The following STK3 variants were observed in gnomAD, a reference collection of about 807,000 sequenced individuals.
The protein encoded by STK3 is serine/threonine kinase 3, also known as serine/threonine-protein kinase 3.
A neutral mutation model predicts 58.0 loss-of-function variants in STK3; 41 were observed. That is an observed-to-expected ratio of 0.71 (90% CI 0.55 to 0.92). The LOEUF is 0.92. STK3 is among the 40% of genes least tolerant of loss of function. The pLI is 0.00. For missense variants in STK3, 479 were observed against 602.7 expected (o/e 0.79, Z 2.15); for synonymous variants, 170 against 191.0 (o/e 0.89, Z 0.91).
intron 4 of STK3, among the ~76,000 whole-genome samples, chr8:98,730,726 A>AAAAAC (rs1047145045): frequency 7.1e-4 from 108 of 151,764 alleles, no homozygotes; most frequent in African/African-American, 2.4e-3. Flanking sequence ...AAAAAAAAAA[A>AAAAAC]AAAAAAAAAA....
intron 6 of STK3, among the ~76,000 whole-genome samples, chr8:98,653,715 A>C (rs964099447): frequency 6.6e-5 from 10 of 152,246 alleles, no homozygotes; most frequent in Non-Finnish European, 1.3e-4. Flanking sequence ...CTCTGTGCAA[A>C]TAAACTAGAA....
the STK3 span, among the ~76,000 whole-genome samples, chr8:98,349,215 T>C: frequency 6.6e-6 from 1 of 152,110 alleles, no homozygotes; most frequent in Admixed American, 6.5e-5. Context: ...ACAGAGATGG[T>C]AAAAAGATCA....
intron 9 of STK3, 99 bp downstream of exon 9, chr8:98,547,870 C>T (rs1810837525): frequency 3.5e-6 from 4 of 1,129,424 alleles, no homozygotes; most frequent in East Asian, 3.1e-5. Context: ...CAAAATTTTC[C>T]ACAGTTGGCT....
At chr8:98,717,715 G>T (rs1827121589) in intron 4 of STK3, among the ~76,000 whole-genome samples, 2 of 152,144 alleles carry the variant, frequency 1.3e-5, no homozygotes, top group Non-Finnish European at 1.5e-5. Context: ...AGGTGTTTTT[G>T]AACAAGTTTC....
At chr8:98,437,051 C>T (rs4615538) in intron 2 of STK3, 1 of 152,372 alleles carries the variant, frequency 6.6e-6, no homozygotes, top group Non-Finnish European at 1.5e-5. Flanking sequence ...GCAACCCCTC[C>T]ACTCCCCTCA....
intron 3 of STK3, among the ~76,000 whole-genome samples, chr8:98,839,973 AG>A (rs1239799314): frequency 6.6e-6 from 1 of 152,208 alleles, no homozygotes; most frequent in Non-Finnish European, 1.5e-5. Flanking sequence ...AAGGGGAGAA[AG>A]TAATAGAGAA....
intron 6 of STK3, among the ~76,000 whole-genome samples, chr8:98,650,219 T>G (rs1293740828): frequency 6.6e-6 from 1 of 152,278 alleles, no homozygotes; most frequent in African/African-American, 2.4e-5. Flanking sequence ...TATTTCATTT[T>G]TTACCTCATT....
At chr8:98,875,329 A>T (rs1837528777) in intron 3 of STK3, 2 of 152,218 alleles carry the variant, frequency 1.3e-5, no homozygotes, top group Non-Finnish European at 2.9e-5. Context: ...TGGAAAGAAC[A>T]TTCTTGTCTT....
At chr8:98,802,650 CAA>C (rs1286347419) in intron 1 of STK3, among the ~76,000 whole-genome samples, 2 of 151,696 alleles carry the variant, frequency 1.3e-5, no homozygotes, top group South Asian at 2.1e-4. Flanking sequence ...TAATTAGACA[CAA>C]AAAACAGTAT....
At chr8:98,454,322 G>C (rs1819339590), downstream of STK3, among the ~76,000 whole-genome samples, 1 of 152,188 alleles carries the variant, frequency 6.6e-6, no homozygotes, top group Non-Finnish European at 1.5e-5. Context: ...AACCAGACAT[G>C]TATCACTACT....
chr8:98,546,298 G>A (rs1032384231), intron 9 of STK3, among the ~76,000 whole-genome samples: 3 of 151,922 alleles, frequency 2.0e-5, no homozygotes, highest in African/African-American at 7.3e-5. Context: ...GTATGATGTC[G>A]GAAACATCAT....
At chr8:98,524,164 T>C (rs1028282674) in intron 10 of STK3, among the ~76,000 whole-genome samples, 2 of 152,250 alleles carry the variant, frequency 1.3e-5, no homozygotes, top group African/African-American at 2.4e-5. Context: ...CATTTGACCA[T>C]AGATGTGAAA....
chr8:98,701,613 C>T (rs974036282), intron 6 of STK3, among the ~76,000 whole-genome samples: 8 of 145,186 alleles, frequency 5.5e-5, no homozygotes, highest in African/African-American at 2.2e-4. Context: ...CAGAGCGAGA[C>T]TTTGTCTCAA....
At position 98,795,614 on chromosome 8, in the gene STK3, G is replaced by A. The variant is rs1272348435; in HGVS notation, c.27-20795C>T. ...GAGAAGGCAAACAATATCTCTTCAC[G>A]GAAAATATGGTTCTATACCTAGAAA... On this transcript the variant is annotated intron_variant, in intron 1 of 10. Coordinates refer to ENST00000419617, the MANE Select transcript of STK3 (RefSeq NM_006281.4). 3.9e-5 allele frequency among the ~76,000 whole-genome samples: 6 copies of A among 152,106 alleles called. No homozygotes were observed. The East Asian group carries it at 7.7e-4, about 20-fold the overall frequency.
chr8:98,533,315 C>T (rs566039129), intron 9 of STK3, among the ~76,000 whole-genome samples: 2 of 152,210 alleles, frequency 1.3e-5, no homozygotes, highest in African/African-American at 4.8e-5. Flanking sequence ...TATCCAGAGG[C>T]CTTTTTTGCT....
chr8:98,629,793 ACTT>A (rs1270543604), intron 6 of STK3, among the ~76,000 whole-genome samples: 1 of 152,158 alleles, frequency 6.6e-6, no homozygotes, highest in African/African-American at 2.4e-5. Flanking sequence ...AAGGCTAGCT[ACTT>A]CTTAGACAGC....
At chr8:98,685,490 A>G (rs1823919290) in intron 6 of STK3, among the ~76,000 whole-genome samples, 1 of 152,156 alleles carries the variant, frequency 6.6e-6, no homozygotes, top group East Asian at 1.9e-4. Flanking sequence ...AATAACTCTG[A>G]CAAGACAAAA....
At chr8:98,421,973 G>T (rs567811364) in intron 3 of STK3, among the ~76,000 whole-genome samples, 1 of 152,170 alleles carries the variant, frequency 6.6e-6, no homozygotes, top group Non-Finnish European at 1.5e-5. Flanking sequence ...GCCCTGTGCA[G>T]GCCAGACTGG....
intron 6 of STK3, among the ~76,000 whole-genome samples, chr8:98,650,797 G>A (rs916073154): frequency 1.3e-5 from 2 of 152,234 alleles, no homozygotes; most frequent in African/African-American, 4.8e-5. Context: ...AGGGGCGCCT[G>A]CCATTGCCCA....
Sources: gnomAD v4.1 joint callset for allele counts (sites outside exome capture counted in the v4.1 genomes callset) on GRCh38, gnomAD v4.1.1 for gene constraint, MANE v1.5 for transcripts, NCBI Gene and HGNC (gene_info 2026-07-23, HGNC 2026-07-21) for gene names.